The following MRPS9 variants were observed in gnomAD, a reference collection of about 807,000 sequenced individuals.
MRPS9 encodes small ribosomal subunit protein uS9m.
A neutral mutation model predicts 59.9 loss-of-function variants in MRPS9; 45 were observed. That is an observed-to-expected ratio of 0.75 (90% confidence interval 0.59 to 0.96). MRPS9 has a LOEUF of 0.96. MRPS9 is among the 40% of genes least tolerant of loss of function. The pLI, the probability that MRPS9 is intolerant of heterozygous loss-of-function variation, is 0.00. For missense variants in MRPS9, 473 were observed against 481.1 expected (o/e 0.98, Z 0.16); for synonymous variants, 171 against 166.8 (o/e 1.03, Z -0.19).
At chr2:105,093,676 A>G (rs779399721) in intron 9 of MRPS9, 38 bp downstream of exon 9, 41 of 1,064,544 alleles carry the variant, frequency 3.9e-5, no homozygotes, top group South Asian at 1.0e-4. Context: ...TTTAAAGGAA[A>G]CATACTTTAT....
intron 2 of MRPS9, among the ~76,000 whole-genome samples, chr2:105,051,777 G>A (rs1679715460): frequency 6.9e-6 from 1 of 145,330 alleles, no homozygotes; most frequent in African/African-American, 2.5e-5. Flanking sequence ...TTATTTCTAA[G>A]TATTAATGTC....
chr2:105,096,062 CA>C (rs1680653602), intron 9 of MRPS9, among the ~76,000 whole-genome samples: 2 of 152,070 alleles, frequency 1.3e-5, no homozygotes, highest in Admixed American at 1.3e-4. Context: ...AGCATTTGTT[CA>C]AAAAGACAGT....
chr2:105,098,164 T>C (rs1458302155), intron 10 of MRPS9: 5 of 152,224 alleles, frequency 3.3e-5, no homozygotes, highest in Non-Finnish European at 7.3e-5. Flanking sequence ...AGAGTCCCTG[T>C]GTAATGTGAA....
At chr2:105,071,945 A>C (rs1038262103) in intron 4 of MRPS9, among the ~76,000 whole-genome samples, 1 of 152,024 alleles carries the variant, frequency 6.6e-6, no homozygotes. Flanking sequence ...CATCATTCTA[A>C]TTGTGTCTCC....
At chr2:105,095,487 A>ATTTTTTTTTTTTTTTTTTTTTTTTTTTTT (rs138410859) in intron 9 of MRPS9, among the ~76,000 whole-genome samples, 1 of 140,116 alleles carries the variant, frequency 7.1e-6, no homozygotes. Context: ...CAGTCTGTAC[A>ATTTTTTTTTTTTTTTTTTTTTTTTTTTTT]TTTTTTTTTT....
chr2:105,077,677 A>C (rs1680241160), intron 4 of MRPS9, among the ~76,000 whole-genome samples: 1 of 152,206 alleles, frequency 6.6e-6, no homozygotes, highest in South Asian at 2.1e-4. Context: ...CTTGTGTAAA[A>C]TTATGTTTTT....
chr2:105,058,880 A>G (rs1679843191), intron 2 of MRPS9, among the ~76,000 whole-genome samples: 1 of 151,912 alleles, frequency 6.6e-6, no homozygotes, highest in Non-Finnish European at 1.5e-5. Context: ...GGGTTTCACC[A>G]TGTTGGTCAG....
intron 2 of MRPS9, among the ~76,000 whole-genome samples, chr2:105,050,576 G>T (rs923178350): frequency 6.6e-6 from 1 of 152,178 alleles, no homozygotes; most frequent in Non-Finnish European, 1.5e-5. Context: ...CTATTCTTCA[G>T]TTAAGTATAA....
In MRPS9 at chr2:105,090,006, A is replaced by C; in HGVS notation, c.651+11A>C. ...CTGTCAGATCTAGATGTGAGTAATT[A>C]ATCTTTTTAATTTAAGGGGACCTAT... On this transcript the variant is annotated intron_variant, in intron 7 of 10. Transcript: ENST00000258455. 1 of 1,519,064 alleles carries C rather than the reference A, an allele frequency of 6.6e-7. No homozygotes were observed. The allele number at this position is 1,519,064 out of a possible 1,614,324, so 94.1% of individuals were successfully genotyped here.
intron 4 of MRPS9, among the ~76,000 whole-genome samples, chr2:105,079,449 A>T (rs1043903234): frequency 6.6e-6 from 1 of 151,894 alleles, no homozygotes; most frequent in African/African-American, 2.4e-5. Context: ...ATTACACCCA[A>T]CACCTTTTTG....
Position 105,039,029 on chromosome 2 carries a change from A to C in MRPS9, c.135+802A>C, listed in dbSNP as rs56836919. ...ATTACCTAGGGAGAGTGTACTGAGG[A>C]GTAGGCAGAGGGACAGGGCCCTGAA... On this transcript the variant is annotated intron_variant, in intron 1 of 10. Transcript: ENST00000258455. 7.9e-3 allele frequency among the ~76,000 whole-genome samples: 1,200 copies of C among 152,164 alleles called. 15 individuals carry two copies. The highest frequency in any genetic ancestry group is 0.027 in the African/African-American group (1,125 of 41,508).
intron 10 of MRPS9, chr2:105,098,220 T>C (rs1225861247): frequency 6.6e-6 from 1 of 152,132 alleles, no homozygotes; most frequent in Non-Finnish European, 1.5e-5. Context: ...GCTTTAGAAG[T>C]TGGAATAAAT....
chr2:105,093,726 A>T, intron 9 of MRPS9, 88 bp downstream of exon 9: 1 of 573,074 alleles, frequency 1.7e-6, no homozygotes, highest in Non-Finnish European at 3.0e-6. Flanking sequence ...TGATCTTCTA[A>T]TTCTGTTTAT....
In MRPS9 at chr2:105,058,255, C is replaced by A. The variant is rs1679830509; in HGVS notation, c.315+8905C>A. Among the ~76,000 whole-genome samples the A allele has an allele frequency of 4.6e-5, 7 of 152,120 alleles. 1 individual carries two copies. In the South Asian group the frequency reaches 1.5e-3, roughly 32 times the overall value. On this transcript the variant is annotated intron_variant, in intron 2 of 10. Transcript: ENST00000258455. ...AGAGAACAGTTTAAATAAATTAGCA[C>A]CTGTACATTAGTCTCACTTGCTGGT...
At chr2:105,064,749 C>T (rs1041807217) in intron 2 of MRPS9, among the ~76,000 whole-genome samples, 3 of 152,124 alleles carry the variant, frequency 2.0e-5, no homozygotes, top group African/African-American at 7.2e-5. Flanking sequence ...TGCATTTGGT[C>T]TACAATCTTG....
chr2:105,092,300 C>A, intron 7 of MRPS9, 101 bp from the exon 8 acceptor site: 3 of 1,060,508 alleles, frequency 2.8e-6, no homozygotes, highest in Non-Finnish European at 3.9e-6. Context: ...CAAAATTCAT[C>A]AGGAAAAGCA....
chr2:105,071,241 A>G (rs897585452), intron 2 of MRPS9, 72 bp from the exon 3 acceptor site: 1 of 1,201,186 alleles, frequency 8.3e-7, no homozygotes, highest in African/African-American at 1.5e-5. Context: ...GCATATAGAA[A>G]GCACTCTATA....
At chr2:105,058,766 G>A (rs986404824) in intron 2 of MRPS9, among the ~76,000 whole-genome samples, 10 of 149,620 alleles carry the variant, frequency 6.7e-5, no homozygotes, top group African/African-American at 2.2e-4. Flanking sequence ...TGCAACCTCC[G>A]CCTCCCAGGT....
At chr2:105,066,980 AC>A (rs1489040176) in intron 2 of MRPS9, among the ~76,000 whole-genome samples, 1 of 151,980 alleles carries the variant, frequency 6.6e-6, no homozygotes, top group Non-Finnish European at 1.5e-5. Flanking sequence ...ATAAACGCAT[AC>A]CCCCATCACC....
Sources: gnomAD v4.1 joint callset for allele counts (sites outside exome capture counted in the v4.1 genomes callset) on GRCh38, gnomAD v4.1.1 for gene constraint, MANE v1.5 for transcripts, NCBI Gene and HGNC (gene_info 2026-07-23, HGNC 2026-07-21) for gene names.